FCN3: variants seen among roughly 807,000 people sequenced by gnomAD.
FCN3 encodes ficolin-3.
Under a neutral mutation model 31.5 loss-of-function variants are expected in FCN3, and 28 were observed. That is an observed-to-expected ratio of 0.89 (90% CI 0.66 to 1.22). The LOEUF is 1.22. FCN3 is among the 50% of genes most tolerant of loss of function. The pLI is 0.00. For synonymous variants in FCN3, 124 were observed against 147.4 expected (o/e 0.84, Z 1.15); for missense variants, 351 against 386.8 (o/e 0.91, Z 0.78).
intron 4 of FCN3, 105 bp downstream of exon 4, chr1:27,373,383 G>T (rs904445173): frequency 3.1e-6 from 5 of 1,593,396 alleles, no homozygotes; most frequent in East Asian, 2.3e-5. Flanking sequence ...CCCTGAAGAA[G>T]GGTTCTGAGG....
chr1:27,370,999 TTACTCCAG>T, intron 5 of FCN3, 27 bp from the exon 6 acceptor site: 1 of 1,607,482 alleles, frequency 6.2e-7, no homozygotes, highest in Non-Finnish European at 8.5e-7. Context: ...ACAGCAGCTA[TTACTCCAG>T]GCTGGGCACT....
chr1:27,371,654 C>G (rs1252431944), intron 5 of FCN3, among the ~76,000 whole-genome samples: 2 of 152,252 alleles, frequency 1.3e-5, no homozygotes, highest in Non-Finnish European at 2.9e-5. Flanking sequence ...GGACCCCTGG[C>G]CTTACCCTGA....
At chr1:27,374,650 G>A in intron 1 of FCN3, 78 bp downstream of exon 1, 1 of 912,824 alleles carries the variant, frequency 1.1e-6, no homozygotes, top group Non-Finnish European at 1.6e-6. Context: ...GCTCCTTGAG[G>A]TTGATGAGCC....
At position 27,370,410 on chromosome 1, in the gene FCN3, G is replaced by C. The variant is rs537557156; in HGVS notation, c.658+186C>G. 306 of 606,818 alleles carry C rather than the reference G, an allele frequency of 5.0e-4. 1 individual carries two copies. Among genetic ancestry groups the C allele is most frequent in the Middle Eastern group, 4.9e-3 (11 of 2,238 alleles). The allele number at this position is 606,818 out of a possible 1,614,324, so 37.6% of individuals were successfully genotyped here. A position where few individuals can be genotyped will look rare whatever the true frequency, so the allele number is the denominator to read the frequency against. ...AATGGCAGAGATGGATTCAAACTCA[G>C]GTCTGTTTGCCTCCAGATCCCAAAT... On this transcript the variant is annotated intron_variant, in intron 7 of 7. Coordinates refer to ENST00000270879, the MANE Select transcript of FCN3 (RefSeq NM_003665.4).
At chr1:27,374,176 G>T in intron 2 of FCN3, 167 bp from the exon 3 acceptor site, 1 of 726,806 alleles carries the variant, frequency 1.4e-6, no homozygotes, top group Non-Finnish European at 2.3e-6. Context: ...CTCCTCAGCA[G>T]AATGGGGATG....
chr1:27,373,513 T>C lies in FCN3; in HGVS notation c.240A>G (p.Pro80=). ...CTTCCTGGCACCGGAGCAGGTTCACTGGATCTCCTGCCCCAGAGAAGGGAT... is the reference window on the plus strand; with the variant it reads ...CTTCCTGGCACCGGAGCAGGTTCACCGGATCTCCTGCCCCAGAGAAGGGAT... ...KMGPKGEPGD[P]VNLLRCQEGP... is the part of the protein sequence containing the mutation. Residue 80 remains proline (P), a synonymous_variant, in exon 4 of 8, where the codon CCA becomes CCG. Transcript: ENST00000270879. 1 of 1,614,094 alleles carries C rather than the reference T, an allele frequency of 6.2e-7. No homozygotes were observed.
chr1:27,374,219 T>A (rs1407873945), intron 2 of FCN3, 137 bp downstream of exon 2: 2 of 724,716 alleles, frequency 2.8e-6, no homozygotes, highest in Non-Finnish European at 4.7e-6. Context: ...GATCTTAGGA[T>A]GCCGGGTGCC....
intron 4 of FCN3, 75 bp from the exon 5 acceptor site, chr1:27,373,338 G>A (rs763588254): frequency 1.7e-5 from 27 of 1,606,142 alleles, no homozygotes; most frequent in Non-Finnish European, 2.1e-5. Context: ...TGGAACAAGT[G>A]TGGGACCCTA....
chr1:27,373,129 C>A lies in FCN3; in HGVS notation c.393+7G>T, dbSNP rs749554269. ...CTGGCCTGTTAGCCCATTTCTCAGA[C>A]ACTCACCAGCCAGCCGCCCCCCTCG... On this transcript the variant is annotated splice_region_variant and intron_variant, in intron 5 of 7. Transcript: ENST00000270879. 6.8e-6 allele frequency: 11 copies of A among 1,613,100 alleles called. No homozygotes were observed. The South Asian group carries it at 1.2e-4, about 18-fold the overall frequency.
At chr1:27,373,564 C>A (rs1471038336) in intron 3 of FCN3, 44 bp from the exon 4 acceptor site, 1 of 1,608,400 alleles carries the variant, frequency 6.2e-7, no homozygotes, top group East Asian at 2.2e-5. Flanking sequence ...TGTCTCAGCA[C>A]CCCAGCGCTG....
intron 5 of FCN3, 92 bp from the exon 6 acceptor site, chr1:27,371,064 C>T: frequency 1.5e-6 from 2 of 1,324,574 alleles, no homozygotes; most frequent in South Asian, 2.6e-5. Context: ...GATACCCACT[C>T]TCTCTTTGGA....
chr1:27,373,316 A>C lies in FCN3; in HGVS notation c.266-53T>G, dbSNP rs1442090323. 6 of 1,608,924 alleles carry C rather than the reference A, an allele frequency of 3.7e-6. No homozygotes were observed. In the Admixed American group the frequency reaches 1.0e-4, roughly 27 times the overall value. ...GTGCCCAGGTTATTCCCTGACCCCC[A>C]CCCCCAGGCACTGGAACAAGTGTGG... On this transcript the variant is annotated intron_variant, in intron 4 of 7. Coordinates refer to ENST00000270879, the MANE Select transcript of FCN3 (RefSeq NM_003665.4).
At position 27,373,151 on chromosome 1, in the gene FCN3, C is replaced by G. The variant is rs369579099; in HGVS notation, c.378G>C (p.Glu126Asp). 9 of 1,613,872 alleles carry G rather than the reference C, an allele frequency of 5.6e-6. No homozygotes were observed. The African/African-American group carries it at 1.2e-4, about 22-fold the overall frequency. Residue 126 changes from glutamate to aspartate, a missense_variant, in exon 5 of 8, where the codon GAG (glutamate) becomes GAC (aspartate). Physicochemically the swap from Glu to Asp is conservative, Grantham distance 45. Transcript: ENST00000270879. ...ALPVFCDMDT[E>D]GGGWLVFQRR... is the part of the protein sequence containing the mutation. ...AGACACTCACCAGCCAGCCGCCCCCCTCGGTGTCCATGTCACAAAAGACTG... is the reference window on the plus strand; with the variant it reads ...AGACACTCACCAGCCAGCCGCCCCCGTCGGTGTCCATGTCACAAAAGACTG...
intron 5 of FCN3, among the ~76,000 whole-genome samples, chr1:27,372,449 T>C (rs1287475162): frequency 6.6e-6 from 1 of 152,308 alleles, no homozygotes; most frequent in East Asian, 1.9e-4. Context: ...GGTTTCACCA[T>C]GTTGGCCAGG....
chr1:27,370,423 C>T (rs1442148690), intron 7 of FCN3, 173 bp downstream of exon 7: 1 of 635,600 alleles, frequency 1.6e-6, no homozygotes, highest in Non-Finnish European at 2.7e-6. Flanking sequence ...CTGTTTGCCT[C>T]CAGATCCCAA....
chr1:27,373,271 AG>A lies in FCN3; in HGVS notation c.266-9del, dbSNP rs1446783198. ...CCCGGCAGTTTCTGGGGCCTGGGAAAGGGGAGATGGACTGGGGTGGTGCCCA... is the reference window on the plus strand; with the variant it reads ...CCCGGCAGTTTCTGGGGCCTGGGAAAGGGAGATGGACTGGGGTGGTGCCCA... On this transcript the variant is annotated splice_polypyrimidine_tract_variant and intron_variant, in intron 4 of 7. Transcript: ENST00000270879. 1.9e-6 allele frequency: 3 copies of A among 1,614,022 alleles called. No homozygotes were observed. In the African/African-American group the frequency reaches 4.0e-5, roughly 22 times the overall value.
chr1:27,371,514 T>C (rs1031360822), intron 5 of FCN3, among the ~76,000 whole-genome samples: 1 of 150,136 alleles, frequency 6.7e-6, no homozygotes, highest in African/African-American at 2.5e-5. Flanking sequence ...AGGTGGAGGT[T>C]GCAGTGAGCC....
Position 27,374,401 on chromosome 1 carries a change from C to T in FCN3, c.142G>A (p.Gly48Arg), listed in dbSNP as rs746300270. The T allele has an allele frequency of 2.6e-5, 42 of 1,613,840 alleles. No homozygotes were observed. Among genetic ancestry groups the T allele is most frequent in the African/African-American group, 4.0e-5 (3 of 74,896 alleles). Residue 48 changes from glycine to arginine, a missense_variant, in exon 2 of 8, where the codon GGA (glycine) becomes AGA (arginine). Coordinates refer to ENST00000270879, the MANE Select transcript of FCN3 (RefSeq NM_003665.4). ...SKVVLLPSCPGAPGSPGEKGA... is the reference protein window; with the variant it reads ...SKVVLLPSCPRAPGSPGEKGA... ...TTCTCCCCAGGACTTCCTGGAGCTC[C>T]GGGACAACTGGGCAGGAGGACAACT...
intron 5 of FCN3, among the ~76,000 whole-genome samples, 175 bp downstream of exon 5, chr1:27,372,961 C>T (rs2016177655): frequency 6.6e-6 from 1 of 152,040 alleles, no homozygotes; most frequent in Non-Finnish European, 1.5e-5. Flanking sequence ...TTTCAAAAGG[C>T]ACCTCCTCTG....
Sources: gnomAD v4.1 joint callset for allele counts (sites outside exome capture counted in the v4.1 genomes callset) on GRCh38, gnomAD v4.1.1 for gene constraint, MANE v1.5 for transcripts, NCBI Gene and HGNC (gene_info 2026-07-23, HGNC 2026-07-21) for gene names.